JAKMIP1: variants seen among roughly 807,000 people sequenced by gnomAD.
JAKMIP1 encodes janus kinase and microtubule interacting protein 1, also known as janus kinase and microtubule-interacting protein 1.
JAKMIP1 carries 33 observed loss-of-function variants against 113.0 expected under a neutral mutation model. The ratio of observed to expected loss-of-function variants is 0.29; its 90% CI spans 0.22 to 0.39. The LOEUF (loss-of-function observed/expected upper bound fraction) is 0.39, where lower values mean the gene tolerates loss of function less well. Among genes scored for constraint, JAKMIP1 ranks in the 10% least tolerant of loss-of-function variants. The pLI is 1.00. For missense variants in JAKMIP1, 813 were observed against 1,080.5 expected (o/e 0.75, Z 3.47); for synonymous variants, 480 against 459.9 (o/e 1.04, Z -0.56).
At chr4:6,043,865 C>G (rs938238531) in intron 16 of JAKMIP1, among the ~76,000 whole-genome samples, 1 of 152,128 alleles carries the variant, frequency 6.6e-6, no homozygotes, top group Non-Finnish European at 1.5e-5. Context: ...ACTGGCAAGG[C>G]CCCAGTGTGG....
intron 8 of JAKMIP1, among the ~76,000 whole-genome samples, chr4:6,072,514 A>G (rs1362891393): frequency 6.6e-6 from 1 of 152,174 alleles, no homozygotes; most frequent in Non-Finnish European, 1.5e-5. Context: ...CCAGAAGGGA[A>G]CAAGCCCTCG....
rs896202719 is a variant in JAKMIP1 at position 6,162,126 on chromosome 4, G to A, written c.-148+38127C>T. On this transcript the variant is annotated intron_variant, in intron 1 of 20. Coordinates refer to ENST00000409021, the MANE Select transcript of JAKMIP1 (RefSeq NM_001099433.2). This position sits in a 1 kb window ranked among gnomAD's most constrained non-coding sequence, Gnocchi z 5.6. Reference sequence around the variant, plus strand: ...GGGGTAGATTATGGGCCAGACGGGGGGCCAAGAGGTCAGCAGGGCCTCAGG... The same window carrying A: ...GGGGTAGATTATGGGCCAGACGGGGAGCCAAGAGGTCAGCAGGGCCTCAGG... Among the ~76,000 whole-genome samples, 2 of 150,368 alleles carry A rather than the reference G, an allele frequency of 1.3e-5. No homozygotes were observed. Among genetic ancestry groups the A allele is most frequent in the South Asian group, 2.1e-4 (1 of 4,808 alleles).
chr4:6,081,787 C>A lies in JAKMIP1; in HGVS notation c.955-32G>T, dbSNP rs1560155872. 1 of 1,613,700 alleles carries A rather than the reference C, an allele frequency of 6.2e-7. No homozygotes were observed. On this transcript the variant is annotated intron_variant, in intron 5 of 20. Coordinates refer to ENST00000409021, the MANE Select transcript of JAKMIP1 (RefSeq NM_001099433.2). This position sits in a 1 kb window ranked among gnomAD's most constrained non-coding sequence, Gnocchi z 4.6. ...TTGGAAACAGACACAGAGGCTCAGA[C>A]AACTTGACGACGGACGGCCGAGGTC...
At chr4:6,145,146 T>C (rs959097266) in intron 1 of JAKMIP1, among the ~76,000 whole-genome samples, 1 of 152,150 alleles carries the variant, frequency 6.6e-6, no homozygotes, top group Non-Finnish European at 1.5e-5. Context: ...GCAAGTACCT[T>C]TTTGCACCAC....
chr4:6,074,783 A>T (rs1348548319), intron 8 of JAKMIP1, among the ~76,000 whole-genome samples: 1 of 152,246 alleles, frequency 6.6e-6, no homozygotes, highest in Admixed American at 6.5e-5. Context: ...CCATAAGATC[A>T]TAACACTGTA....
rs1418370173 is a variant in JAKMIP1, at chr4:6,162,185, G to A, written c.-148+38068C>T. ...CCAAGGGGCTGTGAGCTTGGACCTC[G>A]TCCCACTAGAGGGCAGTGGGAGCGA... On this transcript the variant is annotated intron_variant, in intron 1 of 20. Coordinates refer to ENST00000409021, the MANE Select transcript of JAKMIP1 (RefSeq NM_001099433.2). This position sits in a 1 kb window ranked among gnomAD's most constrained non-coding sequence, Gnocchi z 5.6. Among the ~76,000 whole-genome samples, 9 of 152,150 alleles carry A rather than the reference G, an allele frequency of 5.9e-5. No individual in the cohort carries two copies. In the South Asian group the frequency reaches 8.3e-4, roughly 14 times the overall value.
Position 6,042,863 on chromosome 4 carries a change from G to A in JAKMIP1, c.2029-636C>T, listed in dbSNP as rs980722718. On this transcript the variant is annotated intron_variant, in intron 16 of 20. Transcript: ENST00000409021. This position sits in a 1 kb window ranked among gnomAD's most constrained non-coding sequence, Gnocchi z 5.2. Reference sequence around the variant, plus strand: ...AGCATGAAAGCAGGGTTCATGCCAGGACATGAGGGCGCAGGCACGGAGAGT... The same window carrying A: ...AGCATGAAAGCAGGGTTCATGCCAGAACATGAGGGCGCAGGCACGGAGAGT... Among the ~76,000 whole-genome samples, 25 of 152,014 alleles carry A rather than the reference G, an allele frequency of 1.6e-4. No individual in the cohort carries two copies. Among genetic ancestry groups the A allele is most frequent in the African/African-American group, 5.8e-4 (24 of 41,382 alleles).
intron 18 of JAKMIP1, among the ~76,000 whole-genome samples, chr4:6,039,024 G>A (rs949941908): frequency 6.6e-6 from 1 of 152,232 alleles, no homozygotes; most frequent in Non-Finnish European, 1.5e-5. Flanking sequence ...CTGTTCATGA[G>A]AATCCAGGGG....
chr4:6,132,419 A>G lies in JAKMIP1; in HGVS notation c.-147-19422T>C, dbSNP rs965049134. Among the ~76,000 whole-genome samples the G allele has an allele frequency of 2.0e-5, 3 of 152,200 alleles. No individual in the cohort carries two copies. In the South Asian group the frequency reaches 6.2e-4, roughly 32 times the overall value. On this transcript the variant is annotated intron_variant, in intron 1 of 20. Transcript: ENST00000409021. ...CACTTTGGGAGGCCGAGGCGGGCAG[A>G]TCACTTGAGGTCAGGAGTTCAAGAC...
chr4:6,085,564 A>G lies in JAKMIP1; in HGVS notation c.690T>C (p.Ala230=). 6.2e-7 allele frequency: 1 copy of G among 1,614,242 alleles called. No homozygotes were observed. The part of the protein sequence containing the change: ...LALEKELGVQ[A]GQTQKLLLQK... ...GCAGAAGCAGCTTCTGGGTCTGCCC[A>G]GCCTGCACGCCAAGTTCCTTCTCCA... The change falls in exon 4 of 21, where the codon GCT becomes GCC. Residue 230 remains alanine, a synonymous_variant. Coordinates refer to ENST00000409021, the MANE Select transcript of JAKMIP1 (RefSeq NM_001099433.2).
intron 5 of JAKMIP1, 146 bp downstream of exon 5, chr4:6,084,700 A>T (rs1381194159): frequency 2.4e-6 from 2 of 840,518 alleles, no homozygotes; most frequent in African/African-American, 1.7e-5. Context: ...AGCATGTGTT[A>T]GATTTTTAAT....
At position 6,119,505 on chromosome 4, in the gene JAKMIP1, T is replaced by C. The variant is rs190139680; in HGVS notation, c.-147-6508A>G. ...GTTGCGGTGAGCCGAGATCACGCCATTGCACTCCAGCCTGGACAACAAGAG... is the reference window on the plus strand; with the variant it reads ...GTTGCGGTGAGCCGAGATCACGCCACTGCACTCCAGCCTGGACAACAAGAG... On this transcript the variant is annotated intron_variant, in intron 1 of 20. Coordinates refer to ENST00000409021, the MANE Select transcript of JAKMIP1 (RefSeq NM_001099433.2). Among the ~76,000 whole-genome samples the C allele has an allele frequency of 4.7e-3, 714 of 151,660 alleles. 1 individual carries two copies. The highest frequency in any genetic ancestry group is 0.016 in the African/African-American group (674 of 41,314).
chr4:6,189,771 T>C (rs1271847357), intron 1 of JAKMIP1, among the ~76,000 whole-genome samples: 1 of 150,278 alleles, frequency 6.7e-6, no homozygotes, highest in Non-Finnish European at 1.5e-5. Context: ...GGGGATGGAG[T>C]TTTCTGAAGG....
Position 6,157,678 on chromosome 4 carries a change from G to C in JAKMIP1, c.-148+42575C>G, listed in dbSNP as rs1484914757. Among the ~76,000 whole-genome samples, 1 of 152,082 alleles carries C rather than the reference G, an allele frequency of 6.6e-6. No individual in the cohort carries two copies. The highest frequency in any genetic ancestry group is 1.5e-5 in the Non-Finnish European group (1 of 68,018). ...GCCCTGGACATGCTACCTAACCCCT[G>C]CTTTCTCCTGTTTAAACTGGTGCCA... On this transcript the variant is annotated intron_variant, in intron 1 of 20. Coordinates refer to ENST00000409021, the MANE Select transcript of JAKMIP1 (RefSeq NM_001099433.2). This position sits in a 1 kb window ranked among gnomAD's most constrained non-coding sequence, Gnocchi z 4.7.
intron 3 of JAKMIP1, 81 bp downstream of exon 3, chr4:6,105,392 T>G (rs1372285243): frequency 7.3e-7 from 1 of 1,375,008 alleles, no homozygotes; most frequent in Non-Finnish European, 9.8e-7. Flanking sequence ...GCACAGCAGG[T>G]CCTCGGAGCT....
chr4:6,070,572 G>A (rs1023091032), intron 8 of JAKMIP1, among the ~76,000 whole-genome samples: 1 of 152,252 alleles, frequency 6.6e-6, no homozygotes, highest in African/African-American at 2.4e-5. Flanking sequence ...AGAGCCTGTT[G>A]TCAACACCAT....
At position 6,054,273 on chromosome 4, in the gene JAKMIP1, A is replaced by G; in HGVS notation, c.1708-125T>C. ...TGGCCACGGAGGCAAGGGGCAGGAG[A>G]GGGCAGGGTTTGCAGCAAGCAAACG... On this transcript the variant is annotated intron_variant, in intron 12 of 20. Coordinates refer to ENST00000409021, the MANE Select transcript of JAKMIP1 (RefSeq NM_001099433.2). 3 of 878,678 alleles carry G rather than the reference A, an allele frequency of 3.4e-6. No individual in the cohort carries two copies. In the South Asian group the frequency reaches 4.7e-5, roughly 14 times the overall value. The allele number at this position is 878,678 out of a possible 1,614,324, so 54.4% of individuals were successfully genotyped here. A position where few individuals can be genotyped will look rare whatever the true frequency, so the allele number is the denominator to read the frequency against.
At chr4:6,170,044 CCACCATCACCACTCTCAT>C (rs1195916187) in intron 1 of JAKMIP1, among the ~76,000 whole-genome samples, 60 of 132,112 alleles carry the variant, frequency 4.5e-4, no homozygotes, top group Middle Eastern at 4.9e-3. Context: ...ACCACCACCA[CCACCATCACCACTCTCAT>C]CACCATCATT....
At chr4:6,066,792 T>C (rs919514779) in intron 8 of JAKMIP1, among the ~76,000 whole-genome samples, 5 of 152,130 alleles carry the variant, frequency 3.3e-5, no homozygotes, top group Admixed American at 2.0e-4. Flanking sequence ...TCTGGAATTA[T>C]TAAAACCACC....
Sources: allele counts gnomAD v4.1 joint callset (sites outside exome capture counted in the v4.1 genomes callset), GRCh38; gene constraint gnomAD v4.1.1; non-coding constraint Gnocchi (gnomAD v3.1); transcripts MANE v1.5; gene names NCBI Gene and HGNC (gene_info 2026-07-23, HGNC 2026-07-21).